The following ABLIM2 variants were observed in gnomAD, a reference collection of about 807,000 sequenced individuals.
The protein encoded by ABLIM2 is actin binding LIM protein family member 2.
Under a neutral mutation model 97.7 loss-of-function variants are expected in ABLIM2, and 53 were observed. The ratio of observed to expected loss-of-function variants is 0.54; its 90% CI spans 0.44 to 0.68. ABLIM2 has a LOEUF of 0.68. Ranked by LOEUF, ABLIM2 falls within the 30% of genes least tolerant of loss-of-function variation. ABLIM2 has a pLI of 0.00. For synonymous variants in ABLIM2, 361 were observed against 345.8 expected (o/e 1.04, Z -0.49); for missense variants, 835 against 867.2 (o/e 0.96, Z 0.47).
intron 1 of ABLIM2, among the ~76,000 whole-genome samples, chr4:8,152,352 G>A (rs770468355): frequency 2.0e-5 from 3 of 152,216 alleles, no homozygotes; most frequent in Non-Finnish European, 2.9e-5. Context: ...GGCACCAGAC[G>A]GGACTCGCAG....
chr4:8,077,530 G>A, intron 6 of ABLIM2, 98 bp downstream of exon 6: 1 of 1,200,936 alleles, frequency 8.3e-7, no homozygotes, highest in African/African-American at 1.5e-5. Flanking sequence ...CAGCCAGACA[G>A]ATTCTTGCAC....
chr4:8,066,365 GGAAGGAAGGAAGGAAGGAAGGAA>G (rs1561110894), intron 6 of ABLIM2, among the ~76,000 whole-genome samples: 8,403 of 52,072 alleles, frequency 0.16, 1,104 homozygotes, highest in East Asian at 0.37. Flanking sequence ...AGGGAGGGAA[GGAAGGAAGGAAGGAAGGAAGGAA>G]GGAAGGAAGG....
Position 8,020,100 on chromosome 4 carries a change from T to A in ABLIM2, c.1369+102A>T, listed in dbSNP as rs905300867. The A allele has an allele frequency of 1.7e-4, 175 of 1,058,844 alleles. 2 individuals are homozygous for A. The highest frequency in any genetic ancestry group is 3.8e-5 in the Non-Finnish European group (28 of 727,438). 65.6% of individuals were successfully genotyped at this position (1,058,844 alleles called of 1,614,324 possible). A position where few individuals can be genotyped will look rare whatever the true frequency, so the allele number is the denominator to read the frequency against. On this transcript the variant is annotated intron_variant, in intron 13 of 20. Coordinates refer to ENST00000447017, the MANE Select transcript of ABLIM2 (RefSeq NM_001130083.2). The stretch of plus-strand genomic sequence containing the variant: ...CAGTGGAGGAGCCTGGAGTGTCGTC[T>A]GGCGCCTGCTGAGTCAAGGCAAGCT...
At position 8,005,077 on chromosome 4, in the gene ABLIM2, T is replaced by C. The variant is rs1270092479; in HGVS notation, c.1618+2982A>G. On this transcript the variant is annotated intron_variant, in intron 16 of 20. Coordinates refer to ENST00000447017, the MANE Select transcript of ABLIM2 (RefSeq NM_001130083.2). The surrounding 1 kb of genome is among the most constrained non-coding windows in gnomAD (Gnocchi z 4.9). The stretch of plus-strand genomic sequence containing the variant: ...GAGGGATGGATGAATGACTGAATGA[T>C]GAACTCAGTCCCGGGTGAGATGTGC... Among the ~76,000 whole-genome samples the C allele has an allele frequency of 6.6e-6, 1 of 152,230 alleles. No individual in the cohort carries two copies. The highest frequency in any genetic ancestry group is 1.5e-5 in the Non-Finnish European group (1 of 68,046).
At position 7,967,034 on chromosome 4, in the gene ABLIM2, G is replaced by C. The variant is rs1219360109; in HGVS notation, c.1894C>G (p.Leu632Val). Residue 632 changes from leucine (L) to valine (V), a missense_variant, in exon 21 of 21, where the codon CTC becomes GTC. By Grantham distance (32) the Leu-to-Val change is conservative. Transcript: ENST00000447017. Reference sequence around the variant, plus strand: ...TTCTTAAGGTCATTCCTCTTCCAGAGGGCCAGGCGGTCAAACTCCTCGATG... The same window carrying C: ...TTCTTAAGGTCATTCCTCTTCCAGACGGCCAGGCGGTCAAACTCCTCGATG... ...MSIEEFDRLALWKRNDLKKKA... is the reference protein window; with the variant it reads ...MSIEEFDRLAVWKRNDLKKKA... The C allele has an allele frequency of 1.9e-6, 3 of 1,613,920 alleles. No individual in the cohort carries two copies. The highest frequency in any genetic ancestry group is 2.5e-6 in the Non-Finnish European group (3 of 1,179,982).
In ABLIM2 at chr4:8,085,554, CATG is replaced by C. The variant is rs2152490219; in HGVS notation, c.454+2612_454+2614del. 6.7e-6 allele frequency among the ~76,000 whole-genome samples: 1 copy of C among 150,204 alleles called. No homozygotes were observed. The highest frequency in any genetic ancestry group is 2.4e-5 in the African/African-American group (1 of 40,854). On this transcript the variant is annotated intron_variant, in intron 4 of 20. Transcript: ENST00000447017. The surrounding 1 kb of genome is among the most constrained non-coding windows in gnomAD (Gnocchi z 6.1). ...CCCACGCTGCAGCCCCGTCCACTCA[CATG>C]GCTCTGGGGGTGCCCACGCTGCAGC... is the stretch of plus-strand genomic sequence containing the variant.
chr4:8,032,373 C>A lies in ABLIM2; in HGVS notation c.1048-2597G>T, dbSNP rs964397738. Reference sequence around the variant, plus strand: ...CTGAATTTTCCCCTAAAGGAAGCCACGGCCCAGACCACGATCTGCTCAGGG... The same window carrying A: ...CTGAATTTTCCCCTAAAGGAAGCCAAGGCCCAGACCACGATCTGCTCAGGG... On this transcript the variant is annotated intron_variant, in intron 10 of 20. Coordinates refer to ENST00000447017, the MANE Select transcript of ABLIM2 (RefSeq NM_001130083.2). This position sits in a 1 kb window ranked among gnomAD's most constrained non-coding sequence, Gnocchi z 4.3. 6.6e-6 allele frequency among the ~76,000 whole-genome samples: 1 copy of A among 152,186 alleles called. No individual in the cohort carries two copies. Among genetic ancestry groups the A allele is most frequent in the Non-Finnish European group, 1.5e-5 (1 of 68,040 alleles).
At chr4:8,070,292 CGTGT>C (rs1486577804) in intron 6 of ABLIM2, among the ~76,000 whole-genome samples, 8 of 150,446 alleles carry the variant, frequency 5.3e-5, no homozygotes. Flanking sequence ...GTGTATATCT[CGTGT>C]GTGTCTGTGG....
At chr4:8,094,367 C>A (rs1396444113) in intron 3 of ABLIM2, among the ~76,000 whole-genome samples, 2 of 152,192 alleles carry the variant, frequency 1.3e-5, no homozygotes, top group Non-Finnish European at 2.9e-5. Flanking sequence ...GGTCTTTATT[C>A]AGCCAGGAGC....
rs905526024 is a variant in ABLIM2, at chr4:8,085,027, C to T, written c.454+3142G>A. 1.3e-5 allele frequency among the ~76,000 whole-genome samples: 2 copies of T among 152,310 alleles called. No homozygotes were observed. Among genetic ancestry groups the T allele is most frequent in the Admixed American group, 6.5e-5 (1 of 15,302 alleles). On this transcript the variant is annotated intron_variant, in intron 4 of 20. Transcript: ENST00000447017. The surrounding 1 kb of genome is among the most constrained non-coding windows in gnomAD (Gnocchi z 6.1). Reference sequence around the variant, plus strand: ...TTCAGGGACACAGGGGACCTCCCAACGAGAGTGGTGGGGAAGCTGAGGCAT... The same window carrying T: ...TTCAGGGACACAGGGGACCTCCCAATGAGAGTGGTGGGGAAGCTGAGGCAT...
At chr4:8,129,165 T>C (rs1266778505) in intron 1 of ABLIM2, among the ~76,000 whole-genome samples, 1 of 152,188 alleles carries the variant, frequency 6.6e-6, no homozygotes, top group African/African-American at 2.4e-5. Flanking sequence ...ATGTTTCCTT[T>C]TAACATTTCC....
At chr4:8,121,640 C>T (rs951795689) in intron 1 of ABLIM2, among the ~76,000 whole-genome samples, 2 of 152,208 alleles carry the variant, frequency 1.3e-5, no homozygotes, top group Admixed American at 1.3e-4. Context: ...CAGGGCTTGT[C>T]CCCCAGGGTC....
In ABLIM2 at chr4:8,058,237, A is replaced by G. The variant is rs1800591090; in HGVS notation, c.763+2730T>C. On this transcript the variant is annotated intron_variant, in intron 7 of 20. Transcript: ENST00000447017. The surrounding 1 kb of genome is among the most constrained non-coding windows in gnomAD (Gnocchi z 4.2). ...CCCATGCAGAGCAAGGCCCCTGCCCAGACAGCCTGGCACTGCTGGGACGGT... is the reference window on the plus strand; with the variant it reads ...CCCATGCAGAGCAAGGCCCCTGCCCGGACAGCCTGGCACTGCTGGGACGGT... 6.6e-6 allele frequency among the ~76,000 whole-genome samples: 1 copy of G among 152,236 alleles called. No homozygotes were observed. Among genetic ancestry groups the G allele is most frequent in the Non-Finnish European group, 1.5e-5 (1 of 68,036 alleles).
At chr4:8,036,719 T>C (rs1784695468) in intron 9 of ABLIM2, among the ~76,000 whole-genome samples, 1 of 152,132 alleles carries the variant, frequency 6.6e-6, no homozygotes, top group African/African-American at 2.4e-5. Context: ...ACCCGAAGGC[T>C]CTGGGGTTAA....
At chr4:7,995,389 C>A (rs1381390424) in intron 16 of ABLIM2, among the ~76,000 whole-genome samples, 1 of 152,198 alleles carries the variant, frequency 6.6e-6, no homozygotes, top group Non-Finnish European at 1.5e-5. Context: ...GAAGGTGGCT[C>A]ACAAGGCCAC....
At position 8,032,799 on chromosome 4, in the gene ABLIM2, C is replaced by T. The variant is rs944756570; in HGVS notation, c.1048-3023G>A. 2.8e-5 allele frequency: 29 copies of T among 1,045,276 alleles called. No homozygotes were observed. The highest frequency in any genetic ancestry group is 2.0e-4 in the Middle Eastern group (1 of 4,920). The allele number at this position is 1,045,276 out of a possible 1,614,324, so 64.8% of individuals were successfully genotyped here. ...ACACCCACACAGAGCCCTGATCCTC[C>T]AGACAGGAAAAGAACTCTACCCCGA... On this transcript the variant is annotated intron_variant, in intron 10 of 20. Coordinates refer to ENST00000447017, the MANE Select transcript of ABLIM2 (RefSeq NM_001130083.2). The surrounding 1 kb of genome is among the most constrained non-coding windows in gnomAD (Gnocchi z 4.3).
chr4:8,027,707 C>T (rs1579057507), intron 12 of ABLIM2, 52 bp downstream of exon 12: 1 of 1,399,758 alleles, frequency 7.1e-7, no homozygotes. Flanking sequence ...CACACAGACG[C>T]CGGGCGTGGA....
chr4:7,989,077 T>A (rs1420581976), intron 17 of ABLIM2, among the ~76,000 whole-genome samples: 1 of 145,492 alleles, frequency 6.9e-6, no homozygotes, highest in Admixed American at 6.9e-5. Flanking sequence ...TTAGTCTTTT[T>A]TTTTTTTTTT....
At chr4:8,089,911 T>A (rs541928234) in intron 3 of ABLIM2, among the ~76,000 whole-genome samples, 1 of 152,260 alleles carries the variant, frequency 6.6e-6, no homozygotes, top group Admixed American at 6.5e-5. Flanking sequence ...AGTCCCTGCC[T>A]GGCCTCCCAC....
Sources: gnomAD v4.1 joint callset for allele counts (sites outside exome capture counted in the v4.1 genomes callset) on GRCh38, gnomAD v4.1.1 for gene constraint, Gnocchi (gnomAD v3.1) non-coding constraint, MANE v1.5 for transcripts, NCBI Gene and HGNC (gene_info 2026-07-23, HGNC 2026-07-21) for gene names.